The following NRXN3 variants were observed in gnomAD, a reference collection of about 807,000 sequenced individuals.
The protein encoded by NRXN3 is neurexin 3, also known as neurexin III.
A neutral mutation model predicts 137.6 loss-of-function variants in NRXN3; 32 were observed. That is an observed-to-expected ratio of 0.23 (90% CI 0.18 to 0.31). The LOEUF (loss-of-function observed/expected upper bound fraction) is 0.31, where lower values mean the gene tolerates loss of function less well. Ranked by LOEUF, NRXN3 falls within the 10% of genes least tolerant of loss-of-function variation. NRXN3 has a pLI of 1.00. For synonymous variants in NRXN3, 798 were observed against 784.5 expected (o/e 1.02, Z -0.29); for missense variants, 1,574 against 2,062.5 (o/e 0.76, Z 4.59).
At chr14:78,831,847 C>T (rs2098983300) in intron 10 of NRXN3, among the ~76,000 whole-genome samples, 1 of 151,976 alleles carries the variant, frequency 6.6e-6, no homozygotes, top group Non-Finnish European at 1.5e-5. Context: ...TTCTTTTCTG[C>T]AAGATGGTTT....
chr14:79,016,770 T>C (rs1181960352), intron 15 of NRXN3, among the ~76,000 whole-genome samples: 1 of 152,228 alleles, frequency 6.6e-6, no homozygotes, highest in Non-Finnish European at 1.5e-5. Context: ...ATAGCATTTC[T>C]TCTTACTCGC....
chr14:78,231,410 G>A (rs2065378572), intron 1 of NRXN3: 2 of 152,242 alleles, frequency 1.3e-5, no homozygotes, highest in African/African-American at 4.8e-5. Context: ...TAGTAATGTT[G>A]TTTCACATAC....
At chr14:79,839,272 G>T (rs754777621) in intron 20 of NRXN3, among the ~76,000 whole-genome samples, 1 of 152,000 alleles carries the variant, frequency 6.6e-6, no homozygotes, top group Non-Finnish European at 1.5e-5. Flanking sequence ...GCCTAGGGCC[G>T]GAGTCTAGTC....
chr14:79,854,830 A>G (rs1219848909), intron 20 of NRXN3, among the ~76,000 whole-genome samples: 1 of 152,196 alleles, frequency 6.6e-6, no homozygotes, highest in Non-Finnish European at 1.5e-5. Context: ...TGACTATGGT[A>G]GAGTTTGGTT....
chr14:78,702,300 A>G (rs1323653963), intron 6 of NRXN3, among the ~76,000 whole-genome samples: 1 of 43,852 alleles, frequency 2.3e-5, no homozygotes, highest in Non-Finnish European at 1.2e-4. Flanking sequence ...GAAGTTCATA[A>G]ATAAATAATA....
Position 78,511,883 on chromosome 14 carries a change from C to G in NRXN3, c.758-133237C>G, listed in dbSNP as rs74626153. The stretch of plus-strand genomic sequence containing the variant: ...CGCTTCTTCTTCCACATGGGACCCA[C>G]TTCTATGAGAGCATCAGTCTGTTAG... On this transcript the variant is annotated intron_variant, in intron 4 of 20. Transcript: ENST00000335750. Among the ~76,000 whole-genome samples the G allele has an allele frequency of 5.9e-3, 900 of 152,234 alleles. 5 individuals are homozygous for G. Among genetic ancestry groups the G allele is most frequent in the African/African-American group, 0.02 (831 of 41,534 alleles).
chr14:79,813,140 C>T (rs2140889616), intron 20 of NRXN3, among the ~76,000 whole-genome samples: 1 of 152,226 alleles, frequency 6.6e-6, no homozygotes. Context: ...CACAGAAATT[C>T]ACACCATCAT....
chr14:78,888,669 A>C (rs1230091479), intron 10 of NRXN3, among the ~76,000 whole-genome samples: 1 of 151,988 alleles, frequency 6.6e-6, no homozygotes, highest in African/African-American at 2.4e-5. Flanking sequence ...GTTTATTCAA[A>C]GTTATTATCA....
At chr14:79,854,639 A>G (rs1188810142) in intron 20 of NRXN3, among the ~76,000 whole-genome samples, 1 of 152,154 alleles carries the variant, frequency 6.6e-6, no homozygotes, top group African/African-American at 2.4e-5. Context: ...AAGTATTGGT[A>G]GGCTCTATTT....
At chr14:78,774,901 T>C (rs1004017543) in intron 8 of NRXN3, among the ~76,000 whole-genome samples, 6 of 152,052 alleles carry the variant, frequency 3.9e-5, no homozygotes, top group Non-Finnish European at 8.8e-5. Context: ...CTAGCCTGGG[T>C]GACAGAGTGA....
chr14:78,927,547 C>G (rs937381013), intron 10 of NRXN3, among the ~76,000 whole-genome samples: 2 of 152,126 alleles, frequency 1.3e-5, no homozygotes. Flanking sequence ...ATGGTACTTA[C>G]CATTACTTCA....
chr14:79,268,658 A>G (rs1275674440), intron 15 of NRXN3, among the ~76,000 whole-genome samples: 1 of 152,200 alleles, frequency 6.6e-6, no homozygotes, highest in African/African-American at 2.4e-5. Context: ...ATTGCATAGG[A>G]TTTAGCAACA....
intron 16 of NRXN3, among the ~76,000 whole-genome samples, chr14:79,626,645 A>G (rs1418522379): frequency 2.6e-5 from 4 of 152,078 alleles, no homozygotes; most frequent in African/African-American, 9.7e-5. Context: ...TTATTGATTC[A>G]TTGCTTATTT....
chr14:79,342,410 G>T (rs1029605448), intron 15 of NRXN3, among the ~76,000 whole-genome samples: 3 of 151,998 alleles, frequency 2.0e-5, no homozygotes, highest in African/African-American at 4.8e-5. Flanking sequence ...TTTATGACAA[G>T]TGCTATTACA....
intron 4 of NRXN3, among the ~76,000 whole-genome samples, chr14:78,415,171 A>G (rs986758110): frequency 6.6e-5 from 10 of 152,226 alleles, no homozygotes; most frequent in African/African-American, 2.4e-4. Context: ...TCTATGCCTC[A>G]GTTTCCTATT....
intron 15 of NRXN3, among the ~76,000 whole-genome samples, chr14:79,125,723 G>GT (rs1344383454): frequency 6.6e-6 from 1 of 152,080 alleles, no homozygotes; most frequent in Admixed American, 6.5e-5. Context: ...TCTTAGCCCA[G>GT]TAACATCTTG....
chr14:78,428,279 T>C (rs1301741272), intron 4 of NRXN3, among the ~76,000 whole-genome samples: 2 of 152,194 alleles, frequency 1.3e-5, no homozygotes, highest in African/African-American at 4.8e-5. Flanking sequence ...TCAGTAATAG[T>C]GATGCTAGAC....
intron 4 of NRXN3, among the ~76,000 whole-genome samples, chr14:78,385,680 T>C (rs1344154238): frequency 6.6e-6 from 1 of 152,240 alleles, no homozygotes; most frequent in East Asian, 1.9e-4. Flanking sequence ...GGATGACGTT[T>C]GGCTTAGTGC....
At chr14:79,190,098 T>A (rs759295725) in intron 15 of NRXN3, among the ~76,000 whole-genome samples, 4 of 152,200 alleles carry the variant, frequency 2.6e-5, no homozygotes, top group African/African-American at 4.8e-5. Flanking sequence ...GATTTCCCTA[T>A]AATTTTTAGC....
Sources: gnomAD v4.1 joint callset for allele counts (sites outside exome capture counted in the v4.1 genomes callset) on GRCh38, gnomAD v4.1.1 for gene constraint, MANE v1.5 for transcripts, NCBI Gene and HGNC (gene_info 2026-07-23, HGNC 2026-07-21) for gene names.